SASH1: variants seen among roughly 807,000 people sequenced by gnomAD.
SASH1 encodes SAM and SH3 domain-containing protein 1.
SASH1 carries 44 observed loss-of-function variants against 125.2 expected under a neutral mutation model. That is an observed-to-expected ratio of 0.35 (90% CI 0.28 to 0.45). The LOEUF (loss-of-function observed/expected upper bound fraction) is 0.45. Ranked by LOEUF, SASH1 falls within the 20% of genes least tolerant of loss-of-function variation. The pLI is 1.00. For synonymous variants in SASH1, 639 were observed against 649.1 expected, an observed-to-expected ratio of 0.98 and a Z score of 0.24; for missense variants, 1,426 against 1,614.5, an observed-to-expected ratio of 0.88 and a Z score of 2.00.
At chr6:148,451,287 C>G (rs928025850) in intron 4 of SASH1, among the ~76,000 whole-genome samples, 1 of 152,238 alleles carries the variant, frequency 6.6e-6, no homozygotes, top group Admixed American at 6.5e-5. Context: ...TGGGCTTACT[C>G]GTGACCCAAC....
intron 9 of SASH1, among the ~76,000 whole-genome samples, chr6:148,518,173 G>A (rs2115345197): frequency 1.3e-5 from 2 of 152,232 alleles, no homozygotes; most frequent in East Asian, 3.9e-4. Context: ...CAGGATATTG[G>A]TACCCTGCAT....
chr6:148,541,228 G>A (rs936935567), intron 17 of SASH1, among the ~76,000 whole-genome samples: 1 of 151,292 alleles, frequency 6.6e-6, no homozygotes, highest in Admixed American at 6.6e-5. Flanking sequence ...ACTCTTGAAG[G>A]CCGTCATAAA....
At chr6:148,222,574 T>C in the SASH1 span, among the ~76,000 whole-genome samples, 5 of 152,218 alleles carry the variant, frequency 3.3e-5, no homozygotes, top group African/African-American at 1.2e-4. Flanking sequence ...ATTTGCAACT[T>C]GTTTGTCAAG....
chr6:148,356,074 T>TG (rs1265468046), intron 1 of SASH1, among the ~76,000 whole-genome samples: 1 of 150,764 alleles, frequency 6.6e-6, no homozygotes, highest in Non-Finnish European at 1.5e-5. Context: ...CATTCTGTTT[T>TG]TTTTTTTTTT....
At chr6:148,348,560 A>G (rs545665645) in intron 1 of SASH1, among the ~76,000 whole-genome samples, 8 of 152,276 alleles carry the variant, frequency 5.3e-5, no homozygotes, top group South Asian at 2.1e-4. Context: ...GATCTTGCGC[A>G]TACATTTCCT....
At chr6:148,295,408 G>T (rs1779740251) in intron 1 of SASH1, among the ~76,000 whole-genome samples, 1 of 152,120 alleles carries the variant, frequency 6.6e-6, no homozygotes, top group African/African-American at 2.4e-5. Flanking sequence ...AGGAGCTGAA[G>T]TAAACAAATC....
intron 9 of SASH1, among the ~76,000 whole-genome samples, chr6:148,518,918 G>A (rs1340202581): frequency 1.3e-5 from 2 of 152,208 alleles, no homozygotes; most frequent in Non-Finnish European, 2.9e-5. Context: ...TGAGGCCTGA[G>A]TTGATGGGAG....
At chr6:148,444,798 C>G (rs1470401011) in intron 4 of SASH1, among the ~76,000 whole-genome samples, 1 of 152,174 alleles carries the variant, frequency 6.6e-6, no homozygotes, top group Non-Finnish European at 1.5e-5. Flanking sequence ...AAACTGAAAG[C>G]AAGTTTATCA....
rs1344877084 is a variant in SASH1 at position 148,513,042 on chromosome 6, C to T, written c.730-1282C>T. 21 of 985,218 alleles carry T rather than the reference C, an allele frequency of 2.1e-5. No individual in the cohort carries two copies. In the African/African-American group the frequency reaches 3.3e-4, roughly 16 times the overall value. 61.0% of individuals were successfully genotyped at this position (985,218 alleles called of 1,614,324 possible). A position where few individuals can be genotyped will look rare whatever the true frequency, so the allele number is the denominator to read the frequency against. On this transcript the variant is annotated intron_variant, in intron 8 of 19. Transcript: ENST00000367467. ...GCCATAGTGCAAAGAGGACTCACAA[C>T]GTGCACCATTTTTATGCCTAAATAA...
At chr6:148,410,038 G>A (rs1784552401) in intron 2 of SASH1, among the ~76,000 whole-genome samples, 1 of 150,768 alleles carries the variant, frequency 6.6e-6, no homozygotes, top group African/African-American at 2.4e-5. Context: ...TAAAATAGAA[G>A]GTGTGAGGGT....
intron 9 of SASH1, among the ~76,000 whole-genome samples, chr6:148,517,406 T>C (rs975129322): frequency 1.3e-5 from 2 of 152,136 alleles, no homozygotes; most frequent in African/African-American, 4.8e-5. Flanking sequence ...AGATAGATGA[T>C]GGAGGCCTTC....
intron 2 of SASH1, among the ~76,000 whole-genome samples, chr6:148,406,024 A>T (rs1417168051): frequency 1.3e-5 from 2 of 152,210 alleles, no homozygotes; most frequent in African/African-American, 4.8e-5. Context: ...CTGCAGGCAG[A>T]GATGTGCCCT....
intron 1 of SASH1, among the ~76,000 whole-genome samples, chr6:148,368,102 G>T (rs142825310): frequency 2.1e-4 from 32 of 152,268 alleles, no homozygotes; most frequent in African/African-American, 7.5e-4. Flanking sequence ...AAATATTATG[G>T]GGTGGGGATT....
At position 148,377,587 on chromosome 6, in the gene SASH1, G is replaced by T. The variant is rs138076423; in HGVS notation, c.157-12547G>T. Among the ~76,000 whole-genome samples, 28 of 152,244 alleles carry T rather than the reference G, an allele frequency of 1.8e-4. No homozygotes were observed. The East Asian group carries it at 5.4e-3, about 29-fold the overall frequency. On this transcript the variant is annotated intron_variant, in intron 1 of 19. Coordinates refer to ENST00000367467, the MANE Select transcript of SASH1 (RefSeq NM_015278.5). ...CCTGTACTCTGATTTAGGAGGCTTG[G>T]TTTCTTGTCTTTTGGGACAAGTCAC...
chr6:148,234,052 A>G, the SASH1 span, among the ~76,000 whole-genome samples: 1 of 151,798 alleles, frequency 6.6e-6, no homozygotes, highest in African/African-American at 2.4e-5. Flanking sequence ...TAGGGATACA[A>G]TTTGAGACAG....
At position 148,335,464 on chromosome 6, in the gene SASH1, C is replaced by CAA. The variant is rs534202487; in HGVS notation, n.75-54650_75-54649dup. On this transcript the variant is annotated intron_variant and non_coding_transcript_variant, in intron 1 of 3. Coordinates refer to the SASH1 transcript ENST00000367469. ...TGGGCAACAGCGTGAGACTCTGTCT[C>CAA]AAAAAAAAAAAAAAAAAAAAAGAAT... Among the ~76,000 whole-genome samples the CAA allele has an allele frequency of 2.7e-3, 217 of 79,528 alleles. 4 individuals are homozygous for CAA. Among genetic ancestry groups the CAA allele is most frequent in the African/African-American group, 5.8e-3 (129 of 22,066 alleles). The allele number at this position is 79,528 out of a possible 152,430, so 52.2% of individuals were successfully genotyped here. A position where few individuals can be genotyped will look rare whatever the true frequency, so the allele number is the denominator to read the frequency against.
chr6:148,399,543 A>G (rs1378726026), intron 2 of SASH1, among the ~76,000 whole-genome samples: 1 of 152,068 alleles, frequency 6.6e-6, no homozygotes, highest in African/African-American at 2.4e-5. Context: ...AACATTTAGA[A>G]ATGGTTTTTG....
chr6:148,448,193 G>T (rs1326056570), intron 4 of SASH1, among the ~76,000 whole-genome samples: 1 of 151,802 alleles, frequency 6.6e-6, no homozygotes, highest in African/African-American at 2.4e-5. Flanking sequence ...TGAACTCCTT[G>T]AGCCCTAGAT....
At chr6:148,240,271 G>T in the SASH1 span, among the ~76,000 whole-genome samples, 21 of 151,892 alleles carry the variant, frequency 1.4e-4, no homozygotes, top group African/African-American at 5.1e-4. Flanking sequence ...ATCAACACTT[G>T]GCCCGAGGTT....
Sources: gnomAD v4.1 joint callset for allele counts (sites outside exome capture counted in the v4.1 genomes callset) on GRCh38, gnomAD v4.1.1 for gene constraint, MANE v1.5 for transcripts, NCBI Gene and HGNC (gene_info 2026-07-23, HGNC 2026-07-21) for gene names.